SLC44A5: variants seen among roughly 807,000 people sequenced by gnomAD.
SLC44A5 encodes solute carrier family 44 member 5.
A neutral mutation model predicts 101.8 loss-of-function variants in SLC44A5; 57 were observed. That is an observed-to-expected ratio of 0.56 (90% CI 0.45 to 0.70). The LOEUF is 0.70. Among genes scored for constraint, SLC44A5 ranks in the 30% least tolerant of loss-of-function variants. The probability of loss-of-function intolerance (pLI) is 0.00; values close to 1 mark genes in which losing one functional copy is unlikely to be tolerated. For missense variants in SLC44A5, 737 were observed against 853.1 expected, an observed-to-expected ratio of 0.86 and a Z score of 1.70; for synonymous variants, 281 against 290.9, an observed-to-expected ratio of 0.97 and a Z score of 0.35.
rs995607195 is a variant in SLC44A5 at position 75,385,850 on chromosome 1, C to A, written c.52+10733G>T. On this transcript the variant is annotated intron_variant, in intron 3 of 23. Transcript: ENST00000370859. Reference sequence around the variant, plus strand: ...ACGAATCCAGCAGCACATCCAAAAGCTTATCCACCATGATCAAATCGGCTT... The same window carrying A: ...ACGAATCCAGCAGCACATCCAAAAGATTATCCACCATGATCAAATCGGCTT... 3.9e-5 allele frequency among the ~76,000 whole-genome samples: 6 copies of A among 152,146 alleles called. No homozygotes were observed. In the South Asian group the frequency reaches 6.2e-4, roughly 16 times the overall value.
intron 3 of SLC44A5, among the ~76,000 whole-genome samples, chr1:75,371,093 G>A (rs1660192444): frequency 6.6e-6 from 1 of 152,208 alleles, no homozygotes; most frequent in Non-Finnish European, 1.5e-5. Flanking sequence ...CTGGACTCCA[G>A]TTTTATCACA....
chr1:75,499,422 T>C (rs767244735), intron 2 of SLC44A5, among the ~76,000 whole-genome samples: 3 of 152,208 alleles, frequency 2.0e-5, no homozygotes, highest in Non-Finnish European at 4.4e-5. Flanking sequence ...CAGGCAGTAA[T>C]GCCTGCTTGC....
intron 3 of SLC44A5, among the ~76,000 whole-genome samples, chr1:75,366,657 AATTT>A (rs1659878221): frequency 1.3e-5 from 2 of 151,786 alleles, no homozygotes; most frequent in Admixed American, 6.6e-5. Context: ...TCTTATAATG[AATTT>A]ATTTGTTTGT....
rs1399712984 is a variant in SLC44A5 at position 75,227,793 on chromosome 1, G to C, written c.918C>G (p.Ile306Met). Residue 306 changes from isoleucine to methionine, a missense_variant, in exon 13 of 24, where the codon ATC (isoleucine) becomes ATG (methionine). Physicochemically the swap from Ile to Met is conservative, Grantham distance 10 (BLOSUM62 1). Transcript: ENST00000370859. ...TGTTAGTCTGAATCCCGATGTCATA[G>C]ATAGTTAATACAGAACTTGGGCGTT... ...LQERPSSVLTIYDIGIQTNIS... is the reference protein window; with the variant it reads ...LQERPSSVLTMYDIGIQTNIS... The C allele has an allele frequency of 1.9e-6, 3 of 1,596,520 alleles. No homozygotes were observed. The highest frequency in any genetic ancestry group is 2.6e-6 in the Non-Finnish European group (3 of 1,174,812).
chr1:75,525,344 A>G (rs1670351732), intron 2 of SLC44A5, among the ~76,000 whole-genome samples: 1 of 152,222 alleles, frequency 6.6e-6, no homozygotes, highest in Non-Finnish European at 1.5e-5. Flanking sequence ...ACATGAAATA[A>G]GAATATCACT....
chr1:75,430,243 C>T (rs763659449), intron 2 of SLC44A5, among the ~76,000 whole-genome samples: 1 of 151,974 alleles, frequency 6.6e-6, no homozygotes, highest in Non-Finnish European at 1.5e-5. Context: ...TCCCTTTTAC[C>T]ACATGAGGAC....
chr1:75,337,230 C>A (rs1286193553), intron 4 of SLC44A5, among the ~76,000 whole-genome samples: 1 of 152,112 alleles, frequency 6.6e-6, no homozygotes, highest in South Asian at 2.1e-4. Context: ...GTATAGTACC[C>A]CTTACTCTAT....
the SLC44A5 span, among the ~76,000 whole-genome samples, chr1:75,678,913 G>A: frequency 4.6e-5 from 7 of 152,250 alleles, no homozygotes; most frequent in South Asian, 2.1e-4. Context: ...AGAGAAGTGC[G>A]TAAAGGAGCT....
At position 75,434,983 on chromosome 1, in the gene SLC44A5, C is replaced by T. The variant is rs189490108; in HGVS notation, c.14-38362G>A. ...AGGTATGGATACGTGTTTCCTTAACCAGCCTCACACACACTCTGTAAGGAC... is the reference window on the plus strand; with the variant it reads ...AGGTATGGATACGTGTTTCCTTAACTAGCCTCACACACACTCTGTAAGGAC... On this transcript the variant is annotated intron_variant, in intron 2 of 23. Coordinates refer to ENST00000370859, the MANE Select transcript of SLC44A5 (RefSeq NM_001130058.2). Among the ~76,000 whole-genome samples the T allele has an allele frequency of 1.2e-4, 19 of 152,246 alleles. No homozygotes were observed. The East Asian group carries it at 3.3e-3, about 26-fold the overall frequency.
At chr1:75,336,982 G>A (rs1245704236) in intron 4 of SLC44A5, among the ~76,000 whole-genome samples, 1 of 152,196 alleles carries the variant, frequency 6.6e-6, no homozygotes, top group Admixed American at 6.5e-5. Flanking sequence ...TCTGAAAATG[G>A]TTGAGGGTTC....
chr1:75,550,383 G>A (rs1271386740), intron 1 of SLC44A5, among the ~76,000 whole-genome samples: 4 of 152,050 alleles, frequency 2.6e-5, no homozygotes, highest in Non-Finnish European at 5.9e-5. Context: ...GCTTCCAGGG[G>A]CTGGAGGATG....
intron 2 of SLC44A5, among the ~76,000 whole-genome samples, chr1:75,416,161 T>C (rs1056985652): frequency 6.6e-6 from 1 of 152,152 alleles, no homozygotes; most frequent in Non-Finnish European, 1.5e-5. Flanking sequence ...CCCAGAGGCC[T>C]AGGATGAAAA....
the SLC44A5 span, among the ~76,000 whole-genome samples, chr1:75,636,825 T>C: frequency 2.0e-5 from 3 of 152,074 alleles, no homozygotes; most frequent in African/African-American, 7.2e-5. Context: ...AGATAACATT[T>C]CTATAAAAGA....
At chr1:75,449,642 T>C (rs1665782228) in intron 2 of SLC44A5, among the ~76,000 whole-genome samples, 1 of 152,200 alleles carries the variant, frequency 6.6e-6, no homozygotes, top group Non-Finnish European at 1.5e-5. Flanking sequence ...AGAAATCTAT[T>C]TAACCCAAGA....
At chr1:75,678,516 C>T in the SLC44A5 span, among the ~76,000 whole-genome samples, 1 of 150,672 alleles carries the variant, frequency 6.6e-6, no homozygotes, top group African/African-American at 2.4e-5. Context: ...ACACCTCACA[C>T]TGCAGGGTAC....
the SLC44A5 span, among the ~76,000 whole-genome samples, chr1:75,695,059 G>A: frequency 6.6e-6 from 1 of 152,060 alleles, no homozygotes; most frequent in Non-Finnish European, 1.5e-5. Context: ...TATTACAAGG[G>A]TAAAAAAGGC....
chr1:75,482,799 AAAGAT>A (rs1241089193), intron 2 of SLC44A5, among the ~76,000 whole-genome samples: 1 of 152,214 alleles, frequency 6.6e-6, no homozygotes, highest in Non-Finnish European at 1.5e-5. Context: ...TTTAAAAAGT[AAAGAT>A]AAGTTTCAAT....
At chr1:75,253,499 T>C (rs1264808128) in intron 6 of SLC44A5, among the ~76,000 whole-genome samples, 1 of 152,216 alleles carries the variant, frequency 6.6e-6, no homozygotes, top group African/African-American at 2.4e-5. Flanking sequence ...AGAAGCTGTT[T>C]ATAAATTAAT....
At chr1:75,368,359 G>A (rs1178243660) in intron 3 of SLC44A5, among the ~76,000 whole-genome samples, 3 of 152,112 alleles carry the variant, frequency 2.0e-5, no homozygotes, top group African/African-American at 4.8e-5. Flanking sequence ...TCTGCAAAAC[G>A]CATGAATACA....
Sources: allele counts gnomAD v4.1 joint callset (sites outside exome capture counted in the v4.1 genomes callset), GRCh38; gene constraint gnomAD v4.1.1; transcripts MANE v1.5; gene names NCBI Gene and HGNC (gene_info 2026-07-23, HGNC 2026-07-21).